The following MAGI2 variants were observed in gnomAD, a reference collection of about 807,000 sequenced individuals.
MAGI2 encodes the protein membrane-associated guanylate kinase, WW and PDZ domain-containing protein 2.
In MAGI2, 35 loss-of-function variants were observed where a neutral mutation model predicts 133.3. That is an observed-to-expected ratio of 0.26 (90% CI 0.20 to 0.35). The LOEUF is 0.35. Ranked by LOEUF, MAGI2 falls within the 10% of genes least tolerant of loss-of-function variation. The pLI is 1.00. For missense variants in MAGI2, 1,636 were observed against 1,863.4 expected (o/e 0.88, Z 2.25); for synonymous variants, 729 against 710.6 (o/e 1.03, Z -0.41).
At chr7:79,427,053 GT>G (rs1455984828) in intron 1 of MAGI2, among the ~76,000 whole-genome samples, 1 of 152,146 alleles carries the variant, frequency 6.6e-6, no homozygotes, top group Non-Finnish European at 1.5e-5. Flanking sequence ...ATGATTTGAA[GT>G]TGGATATAAA....
intron 2 of MAGI2, among the ~76,000 whole-genome samples, chr7:78,651,994 A>G (rs1368145272): frequency 6.6e-6 from 1 of 152,176 alleles, no homozygotes; most frequent in African/African-American, 2.4e-5. Context: ...TATGTTCTGT[A>G]TGCTGGTTGT....
chr7:79,017,246 C>T (rs1276189265), intron 1 of MAGI2, among the ~76,000 whole-genome samples: 1 of 152,224 alleles, frequency 6.6e-6, no homozygotes, highest in South Asian at 2.1e-4. Context: ...AGGTTCCTAA[C>T]CTCCAGGGGC....
intron 1 of MAGI2, among the ~76,000 whole-genome samples, chr7:79,140,664 A>G (rs2129546162): frequency 6.6e-6 from 1 of 152,290 alleles, no homozygotes; most frequent in Middle Eastern, 3.4e-3. Flanking sequence ...TCTAAACATC[A>G]GATTATGAAC....
chr7:78,300,029 A>C (rs1310506379), intron 9 of MAGI2, among the ~76,000 whole-genome samples: 1 of 152,168 alleles, frequency 6.6e-6, no homozygotes, highest in East Asian at 1.9e-4. Flanking sequence ...AAAAAATTAC[A>C]TCTTGATTTT....
chr7:78,135,585 A>G (rs1822030001), intron 16 of MAGI2, among the ~76,000 whole-genome samples: 1 of 152,196 alleles, frequency 6.6e-6, no homozygotes, highest in African/African-American at 2.4e-5. Flanking sequence ...TCCAATATAT[A>G]TGAGTGTTTG....
At chr7:78,221,364 T>C (rs1459152104) in intron 10 of MAGI2, among the ~76,000 whole-genome samples, 1 of 152,204 alleles carries the variant, frequency 6.6e-6, no homozygotes, top group East Asian at 1.9e-4. Flanking sequence ...TTTCTCACTA[T>C]GTGAAAACCA....
chr7:78,917,053 C>T (rs1178383471), intron 2 of MAGI2, among the ~76,000 whole-genome samples: 1 of 152,026 alleles, frequency 6.6e-6, no homozygotes, highest in African/African-American at 2.4e-5. Flanking sequence ...TAATAAATTT[C>T]CAATTCAATT....
intron 2 of MAGI2, among the ~76,000 whole-genome samples, chr7:78,658,547 G>C (rs533124925): frequency 6.5e-4 from 99 of 151,956 alleles, no homozygotes; most frequent in African/African-American, 2.1e-3. Flanking sequence ...ATACGGCCTG[G>C]GAAAAAATAT....
intron 1 of MAGI2, among the ~76,000 whole-genome samples, chr7:79,446,811 C>T (rs1848883843): frequency 6.6e-6 from 1 of 152,008 alleles, no homozygotes; most frequent in South Asian, 2.1e-4. Flanking sequence ...ATTAACCGGG[C>T]GTGGATGGCG....
At chr7:78,658,046 T>G (rs976956637) in intron 2 of MAGI2, among the ~76,000 whole-genome samples, 1 of 152,332 alleles carries the variant, frequency 6.6e-6, no homozygotes. Flanking sequence ...CTGAAGGAGA[T>G]TGTGCAGAAC....
chr7:78,638,052 G>T (rs1682509319), intron 2 of MAGI2, among the ~76,000 whole-genome samples: 1 of 150,452 alleles, frequency 6.6e-6, no homozygotes, highest in South Asian at 2.1e-4. Flanking sequence ...GACAGAACAA[G>T]ACCCTGTTTC....
At chr7:78,565,305 T>G (rs1800833195) in intron 3 of MAGI2, among the ~76,000 whole-genome samples, 1 of 151,632 alleles carries the variant, frequency 6.6e-6, no homozygotes, top group Non-Finnish European at 1.5e-5. Context: ...CAAAAAAAAT[T>G]TTTTTAAAAA....
At chr7:78,657,061 A>C (rs1313860345) in intron 2 of MAGI2, among the ~76,000 whole-genome samples, 1 of 152,184 alleles carries the variant, frequency 6.6e-6, no homozygotes. Flanking sequence ...GGAGATGGCA[A>C]ATAAGAATAT....
chr7:78,442,274 T>C (rs542698053), intron 6 of MAGI2, among the ~76,000 whole-genome samples: 1 of 152,340 alleles, frequency 6.6e-6, no homozygotes, highest in Non-Finnish European at 1.5e-5. Context: ...ATACTTCCTA[T>C]CTGATTGAAA....
rs146889734 is a variant in MAGI2 at position 78,893,863 on chromosome 7, A to T, written c.418+113227T>A. 5.3e-5 allele frequency among the ~76,000 whole-genome samples: 8 copies of T among 152,276 alleles called. No homozygotes were observed. In the East Asian group the frequency reaches 1.5e-3, roughly 29 times the overall value. On this transcript the variant is annotated intron_variant, in intron 2 of 21. Transcript: ENST00000354212. ...GCACGTTGTGCACATGTACCCTAAA[A>T]CTTAAAGTATAATAATAATAAAAAA...
intron 2 of MAGI2, among the ~76,000 whole-genome samples, chr7:78,673,445 A>G (rs1814633929): frequency 6.6e-6 from 1 of 151,938 alleles, no homozygotes; most frequent in Admixed American, 6.6e-5. Context: ...ACTTGGTCAC[A>G]GTCCAAGTAC....
intron 2 of MAGI2, among the ~76,000 whole-genome samples, chr7:78,904,827 A>T (rs979042059): frequency 1.3e-5 from 2 of 152,134 alleles, no homozygotes; most frequent in African/African-American, 4.8e-5. Context: ...AGCAATTCTC[A>T]ATGTTCACTG....
intron 18 of MAGI2, among the ~76,000 whole-genome samples, chr7:78,132,145 G>C (rs1262385194): frequency 6.6e-6 from 1 of 152,156 alleles, no homozygotes; most frequent in Non-Finnish European, 1.5e-5. Flanking sequence ...AAAGTGCTGG[G>C]ATTATAGGCG....
intron 1 of MAGI2, among the ~76,000 whole-genome samples, chr7:79,447,401 G>A (rs1015717600): frequency 1.3e-5 from 2 of 152,224 alleles, no homozygotes; most frequent in Admixed American, 6.5e-5. Flanking sequence ...TAAGGCAGTT[G>A]TATGTTTGTT....
Sources: gnomAD v4.1 joint callset for allele counts (sites outside exome capture counted in the v4.1 genomes callset) on GRCh38, gnomAD v4.1.1 for gene constraint, MANE v1.5 for transcripts, NCBI Gene and HGNC (gene_info 2026-07-23, HGNC 2026-07-21) for gene names.